Variants in ATP2B2 observed in about 807,000 individuals in gnomAD.
ATP2B2 encodes plasma membrane calcium-transporting ATPase 2.
Under a neutral mutation model 120.0 loss-of-function variants are expected in ATP2B2, and 15 were observed. The observed-to-expected ratio is 0.12, with a 90% CI of 0.08 to 0.19. ATP2B2 has a LOEUF of 0.19. Ranked by LOEUF, ATP2B2 falls within the 10% of genes least tolerant of loss-of-function variation. The pLI, the probability that ATP2B2 is intolerant of heterozygous loss-of-function variation, is 1.00. For synonymous variants in ATP2B2, 694 were observed against 700.3 expected (o/e 0.99, Z 0.14); for missense variants, 1,045 against 1,719.8 (o/e 0.61, Z 6.94).
At chr3:10,595,011 C>A (rs540226653) in intron 2 of ATP2B2, among the ~76,000 whole-genome samples, 3 of 152,340 alleles carry the variant, frequency 2.0e-5, no homozygotes, top group African/African-American at 7.2e-5. Flanking sequence ...AAGACCAATG[C>A]AATCGGAGAC....
intron 1 of ATP2B2, among the ~76,000 whole-genome samples, chr3:10,453,269 AG>A (rs2064129868): frequency 1.3e-5 from 2 of 152,246 alleles, no homozygotes; most frequent in African/African-American, 2.4e-5. Flanking sequence ...TCTACCTCAT[AG>A]ATGTTATGAG....
intron 1 of ATP2B2, among the ~76,000 whole-genome samples, chr3:10,688,643 G>A (rs1412986468): frequency 1.3e-5 from 2 of 152,168 alleles, no homozygotes; most frequent in Non-Finnish European, 1.5e-5. Flanking sequence ...GTTAAGGTGA[G>A]CAGCCCTCCA....
chr3:10,422,989 C>A (rs1006405318), intron 2 of ATP2B2, among the ~76,000 whole-genome samples: 1 of 152,172 alleles, frequency 6.6e-6, no homozygotes, highest in Non-Finnish European at 1.5e-5. Context: ...GGCTGGGGAT[C>A]TGAGTGGAAG....
intron 1 of ATP2B2, among the ~76,000 whole-genome samples, chr3:10,496,880 C>T (rs1437885067): frequency 2.0e-5 from 3 of 152,242 alleles, no homozygotes; most frequent in Non-Finnish European, 4.4e-5. Context: ...CTTTGTCCTC[C>T]CCCCAACTCC....
chr3:10,512,063 A>G (rs1347041266), intron 3 of ATP2B2, among the ~76,000 whole-genome samples: 1 of 152,206 alleles, frequency 6.6e-6, no homozygotes, highest in African/African-American at 2.4e-5. Context: ...ATTTGATGTT[A>G]TCAGTCTTCA....
At chr3:10,574,423 G>A (rs2068197298) in intron 2 of ATP2B2, among the ~76,000 whole-genome samples, 1 of 152,136 alleles carries the variant, frequency 6.6e-6, no homozygotes, top group African/African-American at 2.4e-5. Flanking sequence ...CCTCTGCCTG[G>A]AGGATCTGCC....
rs567424970 is a variant in ATP2B2, at chr3:10,581,870, G to T, written c.-415+38047C>A. Among the ~76,000 whole-genome samples, 6 of 152,310 alleles carry T rather than the reference G, an allele frequency of 3.9e-5. No individual in the cohort carries two copies. In the South Asian group the frequency reaches 1.2e-3, roughly 32 times the overall value. On this transcript the variant is annotated intron_variant, in intron 2 of 21. Coordinates refer to the ATP2B2 transcript ENST00000646379. ...ATATTTGCAAAGCAGATCGAACAGT[G>T]CCTGGCACAGAGTAAGTGCTAGAGA...
At chr3:10,654,492 G>T in intron 1 of ATP2B2, among the ~76,000 whole-genome samples, 1 of 152,168 alleles carries the variant, frequency 6.6e-6, no homozygotes, top group South Asian at 2.1e-4. Context: ...GCGAAGTGGA[G>T]GAGACATAGG....
intron 22 of ATP2B2, 119 bp downstream of exon 22, chr3:10,338,057 T>C (rs2060173861): frequency 7.2e-7 from 1 of 1,393,828 alleles, no homozygotes; most frequent in Admixed American, 1.9e-5. Context: ...GGGACCCCTC[T>C]GTAGCCACCC....
intron 1 of ATP2B2, among the ~76,000 whole-genome samples, chr3:10,498,548 A>C (rs1186464321): frequency 2.0e-5 from 3 of 152,230 alleles, no homozygotes; most frequent in Non-Finnish European, 4.4e-5. Flanking sequence ...CAGGTGTTTG[A>C]CAGAGCTGGG....
chr3:10,562,842 G>A (rs969261967), intron 2 of ATP2B2, among the ~76,000 whole-genome samples: 2 of 152,204 alleles, frequency 1.3e-5, no homozygotes, highest in Non-Finnish European at 2.9e-5. Flanking sequence ...TATAATCTAT[G>A]AGGAATATGA....
intron 1 of ATP2B2, among the ~76,000 whole-genome samples, chr3:10,672,307 A>AT (rs1225049924): frequency 3.3e-5 from 5 of 152,320 alleles, no homozygotes; most frequent in African/African-American, 9.6e-5. Flanking sequence ...AGGCCTTTGG[A>AT]TTTTGTCCTT....
intron 2 of ATP2B2, among the ~76,000 whole-genome samples, chr3:10,437,732 C>A (rs57209951): frequency 1.3e-5 from 2 of 152,152 alleles, no homozygotes; most frequent in Non-Finnish European, 2.9e-5. Flanking sequence ...TGTTGAAGTC[C>A]TAACCCTCAG....
intron 6 of ATP2B2, chr3:10,388,057 T>G: frequency 1.7e-6 from 1 of 590,978 alleles, no homozygotes; most frequent in Non-Finnish European, 3.0e-6. Flanking sequence ...GGGGCCTCCA[T>G]GACATGATTG....
chr3:10,368,720 T>C (rs1313865482), intron 12 of ATP2B2, among the ~76,000 whole-genome samples: 1 of 151,682 alleles, frequency 6.6e-6, no homozygotes, highest in Non-Finnish European at 1.5e-5. Context: ...TCCACCCATC[T>C]ATTCATCCAC....
At chr3:10,643,527 AAATT>A (rs2070231175) in intron 1 of ATP2B2, among the ~76,000 whole-genome samples, 1 of 152,244 alleles carries the variant, frequency 6.6e-6, no homozygotes, top group Non-Finnish European at 1.5e-5. Context: ...CGGATGGTCA[AAATT>A]CCCATCTCCA....
rs990605756 is a variant in ATP2B2, at chr3:10,328,207, A to G, written c.*607T>C. 1 of 152,966 alleles carries G rather than the reference A, an allele frequency of 6.5e-6. No individual in the cohort carries two copies. Among genetic ancestry groups the G allele is most frequent in the Non-Finnish European group, 1.5e-5 (1 of 68,522 alleles). The allele number at this position is 152,966 out of a possible 1,614,324, so 9.5% of individuals were successfully genotyped here. ...CGTTGATATAGATACAAAGAAATGG[A>G]TATAACCTTGTGAGTGTCTATGAAG... On this transcript the variant is annotated 3_prime_UTR_variant, in exon 23 of 23. Transcript: ENST00000360273.
At chr3:10,600,190 C>A (rs1012291969) in intron 2 of ATP2B2, among the ~76,000 whole-genome samples, 1 of 152,240 alleles carries the variant, frequency 6.6e-6, no homozygotes, top group African/African-American at 2.4e-5. Context: ...TGTGTAAAAT[C>A]AGAAAATATC....
intron 1 of ATP2B2, among the ~76,000 whole-genome samples, chr3:10,703,157 T>A (rs1015594625): frequency 2.0e-5 from 3 of 152,164 alleles, no homozygotes; most frequent in African/African-American, 7.2e-5. Flanking sequence ...CACTCCAGCC[T>A]TTGCCCGCCC....
Sources: allele counts gnomAD v4.1 joint callset (sites outside exome capture counted in the v4.1 genomes callset), GRCh38; gene constraint gnomAD v4.1.1; transcripts MANE v1.5; gene names NCBI Gene and HGNC (gene_info 2026-07-23, HGNC 2026-07-21).